CIMAP1D: variants seen among roughly 807,000 people sequenced by gnomAD.
CIMAP1D encodes protein CIMAP1D.
chr19:485,817 G>A, the CIMAP1D span, among the ~76,000 whole-genome samples: 2 of 152,212 alleles, frequency 1.3e-5, no homozygotes, highest in Non-Finnish European at 2.9e-5. Context: ...GGGGAGGCCA[G>A]GTGTTTGTGG....
At chr19:481,149 G>A in the CIMAP1D span, among the ~76,000 whole-genome samples, 1 of 69,064 alleles carries the variant, frequency 1.4e-5, no homozygotes. Context: ...AAGGATGATG[G>A]GAAGGATGAT....
the CIMAP1D span, chr19:474,950 G>T: frequency 2.3e-6 from 1 of 431,990 alleles, no homozygotes; most frequent in Non-Finnish European, 4.0e-6. Context: ...CTGGTCGGCC[G>T]GACACTGGCC....
At chr19:485,275 C>T in the CIMAP1D span, among the ~76,000 whole-genome samples, 1 of 152,194 alleles carries the variant, frequency 6.6e-6, no homozygotes, top group East Asian at 1.9e-4. Flanking sequence ...GGCAGGCGCG[C>T]ACACACACGC....
chr19:472,342 G>A, the CIMAP1D span: 2 of 1,100,094 alleles, frequency 1.8e-6, no homozygotes, highest in Non-Finnish European at 2.5e-6. Flanking sequence ...GTGCTCCTGG[G>A]GGGAGATTGG....
the CIMAP1D span, among the ~76,000 whole-genome samples, chr19:488,494 C>T: frequency 6.6e-6 from 1 of 152,240 alleles, no homozygotes. Flanking sequence ...TGCACTCCAG[C>T]CTGGGCGACA....
At chr19:477,794 C>T in the CIMAP1D span, among the ~76,000 whole-genome samples, 1 of 152,222 alleles carries the variant, frequency 6.6e-6, no homozygotes, top group Non-Finnish European at 1.5e-5. Context: ...TCCCGGGTAG[C>T]TGGGACTGCA....
the CIMAP1D span, among the ~76,000 whole-genome samples, chr19:470,455 C>T: frequency 6.6e-6 from 1 of 152,100 alleles, no homozygotes; most frequent in Non-Finnish European, 1.5e-5. Context: ...TCGTGGTCCA[C>T]CCGCCTCGGC....
the CIMAP1D span, among the ~76,000 whole-genome samples, chr19:477,891 C>T: frequency 2.0e-5 from 3 of 152,192 alleles, no homozygotes; most frequent in African/African-American, 4.8e-5. Context: ...TCCCCTTTGC[C>T]GCTCTACTCT....
chr19:481,100 GAAC>G, the CIMAP1D span, among the ~76,000 whole-genome samples: 1 of 111,474 alleles, frequency 9.0e-6, no homozygotes, highest in East Asian at 3.2e-4. Context: ...CGATGATGGA[GAAC>G]GATGATGGAG....
the CIMAP1D span, among the ~76,000 whole-genome samples, chr19:480,125 C>G: frequency 1.3e-5 from 2 of 152,180 alleles, no homozygotes; most frequent in Non-Finnish European, 2.9e-5. Flanking sequence ...ACTCGGGAGG[C>G]GGGCGAGGCA....
chr19:486,132 C>G, the CIMAP1D span, among the ~76,000 whole-genome samples: 3 of 152,218 alleles, frequency 2.0e-5, no homozygotes, highest in Admixed American at 1.3e-4. Context: ...GCACCCAGCC[C>G]ATGCCTGGCA....
chr19:474,978 T>C, the CIMAP1D span: 1 of 407,936 alleles, frequency 2.5e-6, no homozygotes, highest in Non-Finnish European at 4.3e-6. Flanking sequence ...GGGGCCGGGA[T>C]CGAGTGTCGG....
At chr19:486,920 A>C in the CIMAP1D span, among the ~76,000 whole-genome samples, 3 of 152,020 alleles carry the variant, frequency 2.0e-5, no homozygotes, top group Non-Finnish European at 2.9e-5. Flanking sequence ...TCTCAAAAAA[A>C]AGAAGGAAAG....
the CIMAP1D span, among the ~76,000 whole-genome samples, chr19:488,378 C>G: frequency 6.6e-6 from 1 of 152,064 alleles, no homozygotes; most frequent in Non-Finnish European, 1.5e-5. Context: ...AACAATTAGC[C>G]GGGCGTGGTG....
At chr19:475,986 A>ATTTTTTTTTTT in the CIMAP1D span, among the ~76,000 whole-genome samples, 2 of 39,266 alleles carry the variant, frequency 5.1e-5, 1 homozygote, top group Non-Finnish European at 7.8e-5. Context: ...CGCCTGGCTA[A>ATTTTTTTTTTT]TTTTTTTTTT....
chr19:489,687 C>G, the CIMAP1D span: 3 of 230,940 alleles, frequency 1.3e-5, no homozygotes, highest in African/African-American at 6.8e-5. Flanking sequence ...CCACAGATGG[C>G]CCCAGATGCC....
At chr19:490,027 G>T in the CIMAP1D span, 1 of 398,502 alleles carries the variant, frequency 2.5e-6, no homozygotes, top group African/African-American at 2.1e-5. Flanking sequence ...AAGAAGAAAA[G>T]AAATGGGTGG....
the CIMAP1D span, chr19:489,643 C>T: frequency 5.6e-6 from 1 of 178,904 alleles, no homozygotes; most frequent in Non-Finnish European, 1.2e-5. Flanking sequence ...GGTGACCGTG[C>T]AGGCCAGGAT....
chr19:477,101 G>A, the CIMAP1D span, among the ~76,000 whole-genome samples: 1 of 152,286 alleles, frequency 6.6e-6, no homozygotes, highest in East Asian at 1.9e-4. Context: ...CAGCTACTCA[G>A]GAGGCTGAGG....
Sources: allele counts gnomAD v4.1 joint callset (sites outside exome capture counted in the v4.1 genomes callset), GRCh38; gene constraint gnomAD v4.1.1; transcripts MANE v1.5; gene names NCBI Gene and HGNC (gene_info 2026-07-23, HGNC 2026-07-21).